JAM3: variants seen among roughly 807,000 people sequenced by gnomAD.
The protein encoded by JAM3 is junctional adhesion molecule C.
JAM3 carries 31 observed loss-of-function variants against 39.4 expected under a neutral mutation model. That is an observed-to-expected ratio of 0.79 (90% confidence interval 0.59 to 1.06). JAM3 has a LOEUF of 1.06. JAM3 is among the 50% of genes least tolerant of loss of function. The probability of loss-of-function intolerance (pLI) is 0.00; values close to 1 mark genes in which losing one functional copy is unlikely to be tolerated. For missense variants in JAM3, 455 were observed against 391.4 expected, an observed-to-expected ratio of 1.16 and a Z score of -1.37; for synonymous variants, 182 against 148.7, an observed-to-expected ratio of 1.22 and a Z score of -1.63.
chr11:134,089,578 G>A (rs1274205152), intron 1 of JAM3, among the ~76,000 whole-genome samples: 16 of 152,120 alleles, frequency 1.1e-4, no homozygotes, highest in African/African-American at 3.9e-4. Flanking sequence ...TTGTCCTTGT[G>A]ATAGTTTGCT....
At chr11:134,113,481 T>C (rs1044547269) in intron 1 of JAM3, among the ~76,000 whole-genome samples, 8 of 152,174 alleles carry the variant, frequency 5.3e-5, no homozygotes, top group African/African-American at 1.7e-4. Flanking sequence ...CTGAGAATGA[T>C]GGTTTCCAGC....
chr11:134,134,428 A>G (rs1284156963), intron 1 of JAM3, among the ~76,000 whole-genome samples: 1 of 143,240 alleles, frequency 7.0e-6, no homozygotes, highest in Non-Finnish European at 1.5e-5. Context: ...AAAAACATCT[A>G]GGCATATCAT....
intron 6 of JAM3, among the ~76,000 whole-genome samples, chr11:134,146,816 C>T (rs541450402): frequency 1.2e-3 from 183 of 152,312 alleles, no homozygotes; most frequent in African/African-American, 4.2e-3. Context: ...CCTCCTGCCT[C>T]GGCCTCCCCC....
At chr11:134,101,361 G>A (rs561102615) in intron 1 of JAM3, among the ~76,000 whole-genome samples, 22 of 152,318 alleles carry the variant, frequency 1.4e-4, no homozygotes, top group African/African-American at 5.3e-4. Context: ...TTAACTATAA[G>A]TAGAGTCATT....
At chr11:134,146,121 T>C in intron 6 of JAM3, 76 bp downstream of exon 6, 4 of 1,023,314 alleles carry the variant, frequency 3.9e-6, no homozygotes, top group Non-Finnish European at 6.1e-6. Flanking sequence ...TATTATACCA[T>C]CAGCTTAGAG....
intron 6 of JAM3, chr11:134,148,102 CAG>C (rs1943112064): frequency 4.5e-6 from 1 of 222,736 alleles, no homozygotes; most frequent in African/African-American, 2.3e-5. Flanking sequence ...TTTTTTGAGA[CAG>C]ATTCTTTAAG....
chr11:134,070,853 C>CT (rs1478527851), intron 1 of JAM3, among the ~76,000 whole-genome samples: 1 of 152,166 alleles, frequency 6.6e-6, no homozygotes, highest in Admixed American at 6.5e-5. Context: ...AGTTTTGTGG[C>CT]TTTTTTGCTG....
At chr11:134,079,561 G>T (rs1028030901) in intron 1 of JAM3, among the ~76,000 whole-genome samples, 4 of 152,110 alleles carry the variant, frequency 2.6e-5, no homozygotes, top group Non-Finnish European at 4.4e-5. Flanking sequence ...TATCGTGGGT[G>T]TTAGGCATTT....
intron 1 of JAM3, among the ~76,000 whole-genome samples, chr11:134,132,834 C>G (rs1300775174): frequency 2.0e-5 from 3 of 152,152 alleles, no homozygotes; most frequent in Non-Finnish European, 4.4e-5. Flanking sequence ...TTTTAACTCT[C>G]AGACTTGTTG....
chr11:134,077,239 G>T (rs1196226630), intron 1 of JAM3, among the ~76,000 whole-genome samples: 1 of 151,956 alleles, frequency 6.6e-6, no homozygotes, highest in Non-Finnish European at 1.5e-5. Flanking sequence ...GCATTTTTTT[G>T]TATGTGTGTT....
chr11:134,141,280 C>T (rs1385848591), intron 3 of JAM3, among the ~76,000 whole-genome samples: 2 of 152,074 alleles, frequency 1.3e-5, no homozygotes, highest in African/African-American at 2.4e-5. Context: ...CCAAAGTGGC[C>T]TCTCTGGGTG....
At chr11:134,090,471 A>G (rs470855) in intron 1 of JAM3, among the ~76,000 whole-genome samples, 60,069 of 151,950 alleles carry the variant, frequency 0.4, 12,915 homozygotes, top group African/African-American at 0.58. Context: ...AACATGAAGG[A>G]GAAGATATAC....
intron 1 of JAM3, among the ~76,000 whole-genome samples, chr11:134,078,370 T>A (rs1333503769): frequency 6.6e-6 from 1 of 152,172 alleles, no homozygotes; most frequent in African/African-American, 2.4e-5. Flanking sequence ...TCCACCTGCC[T>A]TGATCTCCCA....
intron 1 of JAM3, 151 bp downstream of exon 1, chr11:134,069,310 C>T: frequency 9.4e-7 from 1 of 1,061,726 alleles, no homozygotes; most frequent in Non-Finnish European, 1.3e-6. Context: ...GGCGCGCGCC[C>T]GCGTCCCCGC....
At chr11:134,076,300 G>A (rs1169596156) in intron 1 of JAM3, among the ~76,000 whole-genome samples, 3 of 151,408 alleles carry the variant, frequency 2.0e-5, no homozygotes, top group East Asian at 3.9e-4. Context: ...GATTACAGGC[G>A]GCCGCCACCA....
Position 134,115,736 on chromosome 11 carries a change from T to TA in JAM3, c.77-24104dup, listed in dbSNP as rs533375525. ...GGGTAACATGTGAGATCCTGTCTCT[T>TA]AAAAAAAAAAATTAGCAAGGCATAG... On this transcript the variant is annotated intron_variant, in intron 1 of 8. Coordinates refer to ENST00000299106, the MANE Select transcript of JAM3 (RefSeq NM_032801.5). 7.7e-3 allele frequency among the ~76,000 whole-genome samples: 1,138 copies of TA among 146,972 alleles called. 8 individuals are homozygous for TA. Among genetic ancestry groups the TA allele is most frequent in the African/African-American group, 0.026 (1,035 of 40,246 alleles).
At chr11:134,069,256 C>G in intron 1 of JAM3, 97 bp downstream of exon 1, 1 of 1,492,038 alleles carries the variant, frequency 6.7e-7, no homozygotes, top group Non-Finnish European at 9.1e-7. Flanking sequence ...GCGAGGATAG[C>G]GGTCCTGGCT....
rs1943146992 is a variant in JAM3, at chr11:134,149,330, T to C, written c.*149T>C. 2.4e-6 allele frequency: 2 copies of C among 826,064 alleles called. No individual in the cohort carries two copies. The highest frequency in any genetic ancestry group is 4.0e-6 in the Non-Finnish European group (2 of 500,860). The allele number at this position is 826,064 out of a possible 1,614,324, so 51.2% of individuals were successfully genotyped here. A position where few individuals can be genotyped will look rare whatever the true frequency, so the allele number is the denominator to read the frequency against. ...TTTTGGCCAAAGTTGACCACTACTCTTCTTACTCTAACAAGCCACATGAAT... is the reference window on the plus strand; with the variant it reads ...TTTTGGCCAAAGTTGACCACTACTCCTCTTACTCTAACAAGCCACATGAAT... On this transcript the variant is annotated 3_prime_UTR_variant, in exon 9 of 9. Transcript: ENST00000299106.
chr11:134,112,997 C>G (rs1942347018), intron 1 of JAM3, among the ~76,000 whole-genome samples: 1 of 152,156 alleles, frequency 6.6e-6, no homozygotes, highest in Admixed American at 6.5e-5. Context: ...AGGTCATCAA[C>G]AGAGCACTCC....
Sources: allele counts gnomAD v4.1 joint callset (sites outside exome capture counted in the v4.1 genomes callset), GRCh38; gene constraint gnomAD v4.1.1; transcripts MANE v1.5; gene names NCBI Gene and HGNC (gene_info 2026-07-23, HGNC 2026-07-21).